Variants in BRD10 observed in about 807,000 individuals in gnomAD.
The protein encoded by BRD10 is uncharacterized bromodomain-containing protein 10.
At chr9:5,932,163 A>G in the BRD10 span, among the ~76,000 whole-genome samples, 1 of 152,192 alleles carries the variant, frequency 6.6e-6, no homozygotes. Flanking sequence ...CTACATAAAA[A>G]TCAAGCAAAT....
At chr9:5,891,016 G>C in the BRD10 span, 1 of 152,126 alleles carries the variant, frequency 6.6e-6, no homozygotes. Flanking sequence ...TAAGTCCTCT[G>C]CCTACCCTCA....
At chr9:5,974,860 T>G in the BRD10 span, among the ~76,000 whole-genome samples, 187 of 152,340 alleles carry the variant, frequency 1.2e-3, 1 homozygote, top group African/African-American at 4.4e-3. Flanking sequence ...AGGAAGGTCT[T>G]ACCTTGGTAG....
chr9:6,007,877 C>G, the BRD10 span: 8 of 1,368,708 alleles, frequency 5.8e-6, no homozygotes, highest in South Asian at 3.4e-5. Flanking sequence ...ACGGCTCGGC[C>G]GCGGCGCGTA....
chr9:5,931,800 G>A, the BRD10 span, among the ~76,000 whole-genome samples: 1 of 152,118 alleles, frequency 6.6e-6, no homozygotes, highest in Non-Finnish European at 1.5e-5. Flanking sequence ...ACAACAAAGG[G>A]CACCCCTATA....
the BRD10 span, chr9:5,968,074 G>A: frequency 1.3e-6 from 2 of 1,556,894 alleles, no homozygotes; most frequent in African/African-American, 1.4e-5. Flanking sequence ...ACTTATTCTG[G>A]ATCTCAGGTT....
At chr9:5,901,522 T>C in the BRD10 span, among the ~76,000 whole-genome samples, 1 of 151,972 alleles carries the variant, frequency 6.6e-6, no homozygotes, top group Non-Finnish European at 1.5e-5. Flanking sequence ...TTCATTTCTC[T>C]TTTTCTTTTT....
chr9:5,902,754 G>A, the BRD10 span, among the ~76,000 whole-genome samples: 2 of 151,454 alleles, frequency 1.3e-5, no homozygotes, highest in African/African-American at 4.9e-5. Flanking sequence ...CAGTCCTCCT[G>A]CCTTGCCCTC....
At chr9:6,008,078 C>A in the BRD10 span, 3 of 983,944 alleles carry the variant, frequency 3.0e-6, no homozygotes, top group Non-Finnish European at 3.6e-6. Flanking sequence ...GCCGGCCTCA[C>A]CCCTCCGCAC....
chr9:5,906,161 G>A, the BRD10 span, among the ~76,000 whole-genome samples: 60 of 150,052 alleles, frequency 4.0e-4, no homozygotes, highest in African/African-American at 1.4e-3. Context: ...GACCAGCCTA[G>A]GCAACTTAGC....
the BRD10 span, chr9:5,921,048 C>T: frequency 3.1e-6 from 5 of 1,613,844 alleles, no homozygotes; most frequent in Non-Finnish European, 4.2e-6. Flanking sequence ...AGCACATTTA[C>T]TGCTCTTGCT....
chr9:5,884,271 G>A, the BRD10 span, among the ~76,000 whole-genome samples: 1 of 152,174 alleles, frequency 6.6e-6, no homozygotes, highest in Admixed American at 6.5e-5. Flanking sequence ...CTGCAAGTCT[G>A]GTCAACCCAT....
At chr9:5,920,108 G>C in the BRD10 span, 1 of 1,613,856 alleles carries the variant, frequency 6.2e-7, no homozygotes, top group Non-Finnish European at 8.5e-7. Context: ...AAATTTTGTA[G>C]GGCTTCTTAG....
the BRD10 span, among the ~76,000 whole-genome samples, chr9:5,906,117 G>A: frequency 1.3e-5 from 2 of 151,814 alleles, no homozygotes; most frequent in South Asian, 2.1e-4. Flanking sequence ...CTCAGAGGCT[G>A]AGGCAGGAGG....
At chr9:5,922,238 T>G in the BRD10 span, 1 of 1,613,960 alleles carries the variant, frequency 6.2e-7, no homozygotes, top group Non-Finnish European at 8.5e-7. Context: ...TGCAAAACAG[T>G]TGAAGGAACT....
At chr9:5,883,001 G>A in the BRD10 span, among the ~76,000 whole-genome samples, 2 of 152,068 alleles carry the variant, frequency 1.3e-5, no homozygotes, top group African/African-American at 4.8e-5. Flanking sequence ...ACACACCGGG[G>A]CCTGTTGTGG....
chr9:5,972,510 G>T, the BRD10 span, among the ~76,000 whole-genome samples: 1 of 152,192 alleles, frequency 6.6e-6, no homozygotes. Flanking sequence ...TATGGGGGTA[G>T]ATCTCTCATG....
At chr9:5,902,356 C>T in the BRD10 span, among the ~76,000 whole-genome samples, 1 of 152,080 alleles carries the variant, frequency 6.6e-6, no homozygotes, top group Non-Finnish European at 1.5e-5. Context: ...GTAGTTTGTG[C>T]CTTTTTATTT....
chr9:5,984,208 T>C, the BRD10 span, among the ~76,000 whole-genome samples: 1 of 152,104 alleles, frequency 6.6e-6, no homozygotes, highest in Admixed American at 6.6e-5. Context: ...GGATTAAATA[T>C]AAAATACTTC....
At chr9:5,995,501 A>G in the BRD10 span, among the ~76,000 whole-genome samples, 2 of 152,238 alleles carry the variant, frequency 1.3e-5, no homozygotes, top group Admixed American at 1.3e-4. Flanking sequence ...CATATAAACA[A>G]GTCCAAGTTT....
Sources: allele counts gnomAD v4.1 joint callset (sites outside exome capture counted in the v4.1 genomes callset), GRCh38; gene constraint gnomAD v4.1.1; transcripts MANE v1.5; gene names NCBI Gene and HGNC (gene_info 2026-07-23, HGNC 2026-07-21).